NCOA7: variants seen among roughly 807,000 people sequenced by gnomAD.
NCOA7 encodes the protein 140 kDa estrogen receptor-associated protein.
Under a neutral mutation model 104.3 loss-of-function variants are expected in NCOA7, and 45 were observed. The ratio of observed to expected loss-of-function variants is 0.43; its 90% CI spans 0.34 to 0.55. NCOA7 has a LOEUF of 0.55. NCOA7 is among the 20% of genes least tolerant of loss of function. The probability of loss-of-function intolerance (pLI) is 0.02; values close to 1 mark genes in which losing one functional copy is unlikely to be tolerated. For synonymous variants in NCOA7, 398 were observed against 402.3 expected (o/e 0.99, Z 0.13); for missense variants, 1,041 against 1,119.7 (o/e 0.93, Z 1.00).
chr6:125,827,090 G>A (rs1359564524), intron 2 of NCOA7, among the ~76,000 whole-genome samples: 1 of 150,972 alleles, frequency 6.6e-6, no homozygotes, highest in South Asian at 2.1e-4. Context: ...TGGAAGCTGA[G>A]GCAGGAGAAT....
intron 10 of NCOA7, among the ~76,000 whole-genome samples, chr6:125,911,086 C>T (rs1011493028): frequency 2.0e-5 from 3 of 152,166 alleles, no homozygotes; most frequent in Non-Finnish European, 2.9e-5. Context: ...GCAAAGGCCC[C>T]GAGTTCTGGG....
intron 1 of NCOA7, among the ~76,000 whole-genome samples, chr6:125,805,087 C>CTTTTTTTTTTTT (rs59737297): frequency 1.2e-4 from 7 of 58,040 alleles, no homozygotes; most frequent in African/African-American, 3.7e-4. Flanking sequence ...CCCTCTTGTT[C>CTTTTTTTTTTTT]TTTTTTTTTT....
rs371248704 is a variant in NCOA7, at chr6:125,889,899, C to G, written c.1845C>G (p.Asp615Glu). ...ACTCCTCTTTGGAATCTACTCTGGA[C>G]AACAGCTGTCAAGGTGCACAAATGG... is the stretch of plus-strand genomic sequence containing the variant. ...ALDSSLESTLDNSCQGAQMDN... is the reference protein window; with the variant it reads ...ALDSSLESTLENSCQGAQMDN... Residue 615 changes from aspartate (D) to glutamate (E), a missense_variant, in exon 9 of 16, where the codon GAC becomes GAG. By Grantham distance (45) the Asp-to-Glu change is conservative (BLOSUM62 2). Coordinates refer to ENST00000392477, the MANE Select transcript of NCOA7 (RefSeq NM_181782.5). The G allele has an allele frequency of 8.7e-6, 14 of 1,605,012 alleles. No homozygotes were observed. The African/African-American group carries it at 1.7e-4, about 20-fold the overall frequency.
intron 10 of NCOA7, among the ~76,000 whole-genome samples, chr6:125,893,315 A>G (rs1784760481): frequency 6.6e-6 from 1 of 152,158 alleles, no homozygotes; most frequent in Admixed American, 6.5e-5. Flanking sequence ...AACTTGTTCT[A>G]TTTAGGCAAG....
At chr6:125,850,086 GA>G (rs1780991547) in intron 2 of NCOA7, among the ~76,000 whole-genome samples, 1 of 152,186 alleles carries the variant, frequency 6.6e-6, no homozygotes, top group Admixed American at 6.5e-5. Context: ...GGTAAGGACT[GA>G]AAGATTAAAG....
At chr6:125,787,210 C>T (rs1268076), upstream of NCOA7, among the ~76,000 whole-genome samples, 2 of 151,712 alleles carry the variant, frequency 1.3e-5, no homozygotes, top group African/African-American at 2.4e-5. Flanking sequence ...GGCAATGTTA[C>T]AGCAATATTT....
At position 125,889,632 on chromosome 6, in the gene NCOA7, CCTGA is replaced by C. The variant is rs1562145165; in HGVS notation, c.1581_1584del (p.Thr528ArgfsTer17). 1.9e-6 allele frequency: 3 copies of C among 1,613,822 alleles called. No individual in the cohort carries two copies. The highest frequency in any genetic ancestry group is 2.2e-5 in the East Asian group (1 of 44,850). On this transcript the variant is annotated frameshift_variant, in exon 9 of 16. Coordinates refer to ENST00000392477, the MANE Select transcript of NCOA7 (RefSeq NM_181782.5). LOFTEE classifies it high-confidence loss of function. ...ATAAAGTTAAACTCATTGAATATTA[CCTGA>C]CTAAGAACAAAGAAGGGCCACAGGT...
chr6:125,815,209 T>C, intron 1 of NCOA7, 82 bp from the exon 2 acceptor site: 1 of 522,426 alleles, frequency 1.9e-6, no homozygotes, highest in African/African-American at 2.0e-5. Context: ...TTTTAGTCCA[T>C]GTAGTTCTAC....
At chr6:125,810,639 A>T (rs1047142277) in intron 1 of NCOA7, among the ~76,000 whole-genome samples, 2 of 152,304 alleles carry the variant, frequency 1.3e-5, no homozygotes, top group African/African-American at 4.8e-5. Flanking sequence ...TTCCCATTAG[A>T]GACTGATTTA....
chr6:125,913,360 C>T (rs1786765422), intron 10 of NCOA7, among the ~76,000 whole-genome samples: 1 of 152,170 alleles, frequency 6.6e-6, no homozygotes, highest in African/African-American at 2.4e-5. Context: ...AGGCCTTCAC[C>T]TGATTGGATG....
chr6:125,884,550 A>G (rs1263821869), intron 7 of NCOA7, among the ~76,000 whole-genome samples: 1 of 152,218 alleles, frequency 6.6e-6, no homozygotes, highest in Admixed American at 6.5e-5. Flanking sequence ...CAAAGACTTC[A>G]CCAAGCTACG....
At chr6:125,831,245 C>T (rs1433828490) in intron 2 of NCOA7, among the ~76,000 whole-genome samples, 3 of 152,164 alleles carry the variant, frequency 2.0e-5, no homozygotes, top group Non-Finnish European at 2.9e-5. Flanking sequence ...TCTTTCTATA[C>T]TACCTCCTGT....
At chr6:125,906,365 T>C (rs968435187) in intron 10 of NCOA7, among the ~76,000 whole-genome samples, 3 of 152,022 alleles carry the variant, frequency 2.0e-5, no homozygotes, top group African/African-American at 7.2e-5. Context: ...GCTAAATATG[T>C]ACTGTGTAGA....
chr6:125,840,488 T>C (rs72969750), intron 2 of NCOA7, among the ~76,000 whole-genome samples: 11,204 of 152,046 alleles, frequency 0.074, 497 homozygotes, highest in Non-Finnish European at 0.096. Context: ...CAACCATACA[T>C]GGTAAGGACC....
chr6:125,814,317 T>C (rs1172865225), intron 1 of NCOA7, among the ~76,000 whole-genome samples: 1 of 152,052 alleles, frequency 6.6e-6, no homozygotes, highest in Non-Finnish European at 1.5e-5. Context: ...ACCATGCCTG[T>C]CTAATTTTTG....
At chr6:125,902,084 G>A (rs545832553) in intron 10 of NCOA7, among the ~76,000 whole-genome samples, 5 of 152,192 alleles carry the variant, frequency 3.3e-5, no homozygotes, top group South Asian at 4.2e-4. Context: ...CAGGGTAGGG[G>A]GTGTGGCAGG....
chr6:125,928,733 T>C lies in NCOA7; in HGVS notation c.2791T>C (p.Phe931Leu). ...NNDILSKKED[F>L]IVQDLEVWAF... ...TGATATTCTTTCCAAAAAGGAAGACTTCATAGTTCAGGATCTGGAGGTGTG... is the reference window on the plus strand; with the variant it reads ...TGATATTCTTTCCAAAAAGGAAGACCTCATAGTTCAGGATCTGGAGGTGTG... Residue 931 changes from phenylalanine (F) to leucine (L), a missense_variant, in exon 16 of 16, where the codon TTC (phenylalanine) becomes CTC (leucine). Phe to Leu is a conservative substitution (Grantham distance 22). This residue lies in a region of NCOA7 where 127 missense variants were observed against 177.0 expected (regional missense o/e 0.72). Transcript: ENST00000392477. 6.2e-7 allele frequency: 1 copy of C among 1,613,852 alleles called. No homozygotes were observed. The highest frequency in any genetic ancestry group is 8.5e-7 in the Non-Finnish European group (1 of 1,179,894).
chr6:125,792,799 G>A (rs1181970607), intron 1 of NCOA7, among the ~76,000 whole-genome samples: 2 of 151,148 alleles, frequency 1.3e-5, no homozygotes, highest in African/African-American at 2.4e-5. Context: ...AGAAAAACAA[G>A]GTTAACTGCA....
intron 10 of NCOA7, among the ~76,000 whole-genome samples, chr6:125,894,660 C>A (rs1383935975): frequency 6.6e-6 from 1 of 152,162 alleles, no homozygotes; most frequent in East Asian, 1.9e-4. Context: ...CAGTCCTTGA[C>A]CCCTGGTTTG....
Sources: gnomAD v4.1 joint callset for allele counts (sites outside exome capture counted in the v4.1 genomes callset) on GRCh38, gnomAD v4.1.1 for gene constraint, gnomAD v4.1.1 regional missense constraint, MANE v1.5 for transcripts, NCBI Gene and HGNC (gene_info 2026-07-23, HGNC 2026-07-21) for gene names.